Variants in RBFOX1 observed in about 807,000 individuals in gnomAD.
RBFOX1 encodes RNA binding protein fox-1 homolog 1.
A neutral mutation model predicts 57.7 loss-of-function variants in RBFOX1; 8 were observed. The observed-to-expected ratio is 0.14, with a 90% confidence interval of 0.08 to 0.25. RBFOX1 has a LOEUF of 0.25. Ranked by LOEUF, RBFOX1 falls within the 10% of genes least tolerant of loss-of-function variation. The pLI, the probability that RBFOX1 is intolerant of heterozygous loss-of-function variation, is 1.00. For missense variants in RBFOX1, 611 were observed against 548.5 expected, an observed-to-expected ratio of 1.11 and a Z score of -1.14; for synonymous variants, 326 against 222.4, an observed-to-expected ratio of 1.47 and a Z score of -4.15.
chr16:5,785,329 C>G (rs969454520), intron 3 of RBFOX1, among the ~76,000 whole-genome samples: 1 of 152,082 alleles, frequency 6.6e-6, no homozygotes, highest in African/African-American at 2.4e-5. Flanking sequence ...AGAGGTGGAG[C>G]TGGCTCAAAA....
chr16:7,422,519 G>A (rs945421691), intron 4 of RBFOX1, among the ~76,000 whole-genome samples: 1 of 152,166 alleles, frequency 6.6e-6, no homozygotes, highest in African/African-American at 2.4e-5. Flanking sequence ...TGCACTCCGT[G>A]ACCCCGTCAC....
At chr16:7,407,377 T>TGG (rs2098362324) in intron 4 of RBFOX1, among the ~76,000 whole-genome samples, 1 of 19,154 alleles carries the variant, frequency 5.2e-5, no homozygotes, top group Non-Finnish European at 4.2e-4. Context: ...TGTATGGGTG[T>TGG]GTGTGTGTGT....
At chr16:7,284,568 C>T (rs541552586) in intron 4 of RBFOX1, among the ~76,000 whole-genome samples, 1 of 152,160 alleles carries the variant, frequency 6.6e-6, no homozygotes, top group Non-Finnish European at 1.5e-5. Context: ...TGGCCTCAAG[C>T]AGTCCTCCCA....
chr16:7,048,169 G>A lies in RBFOX1; in HGVS notation c.-15-3888G>A, dbSNP rs144904864. 9.0e-4 allele frequency among the ~76,000 whole-genome samples: 137 copies of A among 152,106 alleles called. 1 individual carries two copies. In the Middle Eastern group the frequency reaches 0.01, roughly 11 times the overall value. On this transcript the variant is annotated intron_variant, in intron 3 of 15. Transcript: ENST00000550418. ...TCTGGGATTACAGGTGTGAGCCACCGTGCCCAGCCCAATATTTTATTTTTA... is the reference window on the plus strand; with the variant it reads ...TCTGGGATTACAGGTGTGAGCCACCATGCCCAGCCCAATATTTTATTTTTA...
At chr16:6,995,113 G>C (rs1017285307) in intron 3 of RBFOX1, among the ~76,000 whole-genome samples, 14 of 152,080 alleles carry the variant, frequency 9.2e-5, no homozygotes, top group African/African-American at 4.8e-5. Flanking sequence ...ACCATAGTCT[G>C]TTATCTGTCA....
At chr16:6,236,170 T>G (rs1445485049) in intron 1 of RBFOX1, among the ~76,000 whole-genome samples, 1 of 152,156 alleles carries the variant, frequency 6.6e-6, no homozygotes, top group African/African-American at 2.4e-5. Flanking sequence ...AAGAGCAACA[T>G]CTGACTTTTA....
chr16:7,463,301 C>G (rs555678077), intron 4 of RBFOX1, among the ~76,000 whole-genome samples: 15 of 152,096 alleles, frequency 9.9e-5, no homozygotes, highest in African/African-American at 3.6e-4. Context: ...GTCAGGAGTT[C>G]AAGACCAGCA....
intron 3 of RBFOX1, among the ~76,000 whole-genome samples, chr16:5,716,588 C>A (rs1401759839): frequency 1.3e-5 from 2 of 152,200 alleles, no homozygotes; most frequent in African/African-American, 4.8e-5. Flanking sequence ...GAAAAAGGAA[C>A]GCTTATATGC....
intron 1 of RBFOX1, among the ~76,000 whole-genome samples, chr16:6,050,115 C>T (rs572171326): frequency 3.3e-5 from 5 of 151,946 alleles, no homozygotes; most frequent in African/African-American, 7.3e-5. Context: ...TATGCCACGA[C>T]GCCTGACTAA....
chr16:5,840,080 A>G (rs536962431), intron 3 of RBFOX1, among the ~76,000 whole-genome samples: 119 of 152,292 alleles, frequency 7.8e-4, no homozygotes, highest in Middle Eastern at 3.4e-3. Context: ...TCCATTTAGT[A>G]TCTAACTCAT....
At chr16:5,520,150 A>T (rs1458334013) in intron 2 of RBFOX1, among the ~76,000 whole-genome samples, 1 of 152,194 alleles carries the variant, frequency 6.6e-6, no homozygotes, top group Non-Finnish European at 1.5e-5. Flanking sequence ...CCAGAGGGGA[A>T]AGAGGAAGAG....
Position 5,262,882 on chromosome 16 carries a change from C to T in RBFOX1, c.219+22777C>T, listed in dbSNP as rs568907503. Reference sequence around the variant, plus strand: ...GAATGTGAAAAGAAAAACACTCACTCCATTGTAACTCCACTGAAGGGGGCA... The same window carrying T: ...GAATGTGAAAAGAAAAACACTCACTTCATTGTAACTCCACTGAAGGGGGCA... On this transcript the variant is annotated intron_variant, in intron 1 of 2. Coordinates refer to the RBFOX1 transcript ENST00000585867. Among the ~76,000 whole-genome samples the T allele has an allele frequency of 3.9e-5, 6 of 152,244 alleles. No individual in the cohort carries two copies. In the South Asian group the frequency reaches 1.2e-3, roughly 32 times the overall value.
At chr16:5,997,988 A>G (rs957696856) in intron 4 of RBFOX1, among the ~76,000 whole-genome samples, 1 of 152,238 alleles carries the variant, frequency 6.6e-6, no homozygotes, top group Admixed American at 6.5e-5. Flanking sequence ...AAGCCGTAAC[A>G]TTGGAGTTAA....
At chr16:7,430,909 C>T (rs548328733) in intron 4 of RBFOX1, among the ~76,000 whole-genome samples, 31 of 152,286 alleles carry the variant, frequency 2.0e-4, no homozygotes, top group African/African-American at 6.5e-4. Flanking sequence ...AAGAACCAGA[C>T]GTAGGGATAT....
At chr16:5,790,299 G>A (rs1004838992) in intron 3 of RBFOX1, among the ~76,000 whole-genome samples, 1 of 152,144 alleles carries the variant, frequency 6.6e-6, no homozygotes, top group African/African-American at 2.4e-5. Flanking sequence ...AAGAATACAA[G>A]AATGACACGT....
At chr16:7,235,138 G>C (rs1475106036) in intron 4 of RBFOX1, among the ~76,000 whole-genome samples, 1 of 152,208 alleles carries the variant, frequency 6.6e-6, no homozygotes, top group Non-Finnish European at 1.5e-5. Flanking sequence ...ATCGGTAGTA[G>C]TCACACTAAT....
intron 4 of RBFOX1, among the ~76,000 whole-genome samples, chr16:7,430,734 G>T: frequency 6.6e-6 from 1 of 151,816 alleles, no homozygotes; most frequent in Non-Finnish European, 1.5e-5. Context: ...ATAGTACATT[G>T]GACTTCAAGT....
intron 3 of RBFOX1, among the ~76,000 whole-genome samples, chr16:6,880,363 T>A (rs73542587): frequency 0.063 from 9,628 of 152,230 alleles, 1,064 homozygotes; most frequent in African/African-American, 0.22. Context: ...TTTAGTATTA[T>A]ACTTTCCACT....
intron 4 of RBFOX1, among the ~76,000 whole-genome samples, chr16:7,111,545 G>A (rs1004304815): frequency 1.3e-5 from 2 of 152,246 alleles, no homozygotes; most frequent in African/African-American, 4.8e-5. Flanking sequence ...AAGAGATACT[G>A]ATTATATCAG....
Sources: gnomAD v4.1 joint callset for allele counts (sites outside exome capture counted in the v4.1 genomes callset) on GRCh38, gnomAD v4.1.1 for gene constraint, MANE v1.5 for transcripts, NCBI Gene and HGNC (gene_info 2026-07-23, HGNC 2026-07-21) for gene names.